The following LDHC variants were observed in gnomAD, a reference collection of about 807,000 sequenced individuals.
LDHC encodes lactate dehydrogenase C.
Under a neutral mutation model 30.2 loss-of-function variants are expected in LDHC, and 20 were observed. The ratio of observed to expected loss-of-function variants is 0.66; its 90% CI spans 0.47 to 0.96. The LOEUF is 0.96. Ranked by LOEUF, LDHC falls within the 40% of genes least tolerant of loss-of-function variation. The pLI is 0.00. For synonymous variants in LDHC, 139 were observed against 132.7 expected (o/e 1.05, Z -0.32); for missense variants, 362 against 394.9 (o/e 0.92, Z 0.71).
chr11:18,444,604 G>GTACA (rs1848519077), intron 6 of LDHC, among the ~76,000 whole-genome samples: 3 of 89,308 alleles, frequency 3.4e-5, no homozygotes, highest in African/African-American at 9.8e-5. Context: ...TGTTCAGGTG[G>GTACA]TATATATATA....
Position 18,423,993 on chromosome 11 carries a change from C to T in LDHC, c.245-5744C>T, listed in dbSNP as rs559927086. Among the ~76,000 whole-genome samples the T allele has an allele frequency of 1.2e-4, 16 of 128,786 alleles. No homozygotes were observed. The South Asian group carries it at 2.3e-3, about 19-fold the overall frequency. The allele number at this position is 128,786 out of a possible 152,430, so 84.5% of individuals were successfully genotyped here. A position where few individuals can be genotyped will look rare whatever the true frequency, so the allele number is the denominator to read the frequency against. Reference sequence around the variant, plus strand: ...CCATATCAATATACCATTACACACCCACTAGATTGGTAGAAGTGTGATAGT... The same window carrying T: ...CCATATCAATATACCATTACACACCTACTAGATTGGTAGAAGTGTGATAGT... On this transcript the variant is annotated intron_variant, in intron 3 of 7. Coordinates refer to ENST00000541669, the MANE Select transcript of LDHC (RefSeq NM_017448.5).
At chr11:18,436,572 C>T (rs900424297) in intron 5 of LDHC, among the ~76,000 whole-genome samples, 8 of 148,136 alleles carry the variant, frequency 5.4e-5, no homozygotes, top group Middle Eastern at 3.2e-3. Flanking sequence ...CCGCAACCTC[C>T]GCCTCCTGGG....
At chr11:18,424,558 A>G (rs1157204219) in intron 3 of LDHC, among the ~76,000 whole-genome samples, 2 of 152,200 alleles carry the variant, frequency 1.3e-5, no homozygotes, top group Non-Finnish European at 2.9e-5. Flanking sequence ...AAACAAGTCA[A>G]TGAATCCCAG....
chr11:18,440,084 G>T (rs1848437548), intron 6 of LDHC, among the ~76,000 whole-genome samples: 1 of 150,330 alleles, frequency 6.7e-6, no homozygotes, highest in Non-Finnish European at 1.5e-5. Flanking sequence ...GGCTGATCAT[G>T]AGGTCAGGAG....
At chr11:18,421,763 T>C (rs1363903138) in intron 3 of LDHC, among the ~76,000 whole-genome samples, 1 of 152,118 alleles carries the variant, frequency 6.6e-6, no homozygotes, top group Non-Finnish European at 1.5e-5. Flanking sequence ...CCTGCCTCAC[T>C]CAGCTGGGAT....
intron 6 of LDHC, among the ~76,000 whole-genome samples, chr11:18,444,763 T>C (rs1439943733): frequency 6.6e-6 from 1 of 151,518 alleles, no homozygotes; most frequent in Non-Finnish European, 1.5e-5. Flanking sequence ...CTTCTTGTCC[T>C]GTATCCTTTC....
chr11:18,428,876 GAAA>G (rs35689913), intron 3 of LDHC, among the ~76,000 whole-genome samples: 6 of 135,546 alleles, frequency 4.4e-5, no homozygotes, highest in Admixed American at 1.5e-4. Flanking sequence ...CACTATCTCA[GAAA>G]AAAAAAAAAA....
At chr11:18,413,025 C>A (rs1288440450) in intron 2 of LDHC, among the ~76,000 whole-genome samples, 182 bp downstream of exon 2, 1 of 122,652 alleles carries the variant, frequency 8.2e-6, no homozygotes, top group African/African-American at 2.9e-5. Flanking sequence ...TTCTCTCTTT[C>A]TTTTCCTTTT....
Position 18,446,278 on chromosome 11 carries a change from T to C in LDHC, c.779T>C (p.Val260Ala). 1 of 1,594,148 alleles carries C rather than the reference T, an allele frequency of 6.3e-7. No homozygotes were observed. Among genetic ancestry groups the C allele is most frequent in the Non-Finnish European group, 8.6e-7 (1 of 1,161,750 alleles). Residue 260 changes from valine to alanine, a missense_variant, in exon 7 of 8, where the codon GTA becomes GCA. Transcript: ENST00000541669. ...ATTGGACTGTCTGTGATGGATTTGG[T>C]AGGATCCATTTTGAAAAATCTTAGG... ...WAIGLSVMDL[V>A]GSILKNLRRV...
At chr11:18,414,337 C>T (rs796378001) in intron 2 of LDHC, among the ~76,000 whole-genome samples, 64 of 152,250 alleles carry the variant, frequency 4.2e-4, no homozygotes, top group African/African-American at 1.5e-3. Context: ...CTTGGAAAAC[C>T]AATGTTAATT....
intron 3 of LDHC, among the ~76,000 whole-genome samples, chr11:18,423,159 TG>T (rs1848098401): frequency 2.6e-5 from 4 of 152,086 alleles, no homozygotes; most frequent in Non-Finnish European, 5.9e-5. Context: ...ACCCTGTCTC[TG>T]CTAAAAATAC....
chr11:18,413,019 CTCTT>C (rs1253520670), intron 2 of LDHC, among the ~76,000 whole-genome samples, 176 bp downstream of exon 2: 4 of 129,556 alleles, frequency 3.1e-5, no homozygotes, highest in African/African-American at 5.6e-5. Flanking sequence ...TTTTCTTTCT[CTCTT>C]TCTTTTCCTT....
At chr11:18,418,823 T>G (rs1867069929) in intron 3 of LDHC, among the ~76,000 whole-genome samples, 2 of 152,156 alleles carry the variant, frequency 1.3e-5, no homozygotes, top group Admixed American at 6.5e-5. Flanking sequence ...ATGAGAAAAC[T>G]CCTGCATAAA....
chr11:18,412,927 G>A (rs1866920639), intron 2 of LDHC, 84 bp downstream of exon 2: 2 of 1,304,166 alleles, frequency 1.5e-6, no homozygotes. Flanking sequence ...GGGTTGCAAG[G>A]TTAATCCCTT....
At chr11:18,436,733 G>T (rs771621986) in intron 5 of LDHC, among the ~76,000 whole-genome samples, 5 of 151,934 alleles carry the variant, frequency 3.3e-5, no homozygotes, top group African/African-American at 7.2e-5. Context: ...TGATCCACCC[G>T]CCACAGCCTT....
intron 7 of LDHC, among the ~76,000 whole-genome samples, chr11:18,447,742 C>T (rs1848579061): frequency 6.6e-6 from 1 of 151,788 alleles, no homozygotes; most frequent in Admixed American, 6.6e-5. Flanking sequence ...TTTATAAGAC[C>T]AGGGGATTAA....
At chr11:18,418,647 G>A (rs570519270) in intron 3 of LDHC, among the ~76,000 whole-genome samples, 2 of 151,824 alleles carry the variant, frequency 1.3e-5, no homozygotes, top group Non-Finnish European at 2.9e-5. Flanking sequence ...GGCTGGTCTC[G>A]AATGCCTGAC....
chr11:18,436,563 C>A (rs557376919), intron 5 of LDHC, among the ~76,000 whole-genome samples: 1 of 148,812 alleles, frequency 6.7e-6, no homozygotes, highest in Non-Finnish European at 1.5e-5. Flanking sequence ...CTCGGCTCAC[C>A]GCAACCTCCG....
intron 1 of LDHC, 130 bp downstream of exon 1, chr11:18,412,538 C>G: frequency 1.8e-6 from 1 of 565,838 alleles, no homozygotes; most frequent in Non-Finnish European, 3.1e-6. Flanking sequence ...TGCCCCAGCC[C>G]TCCCATTGCC....
Sources: allele counts gnomAD v4.1 joint callset (sites outside exome capture counted in the v4.1 genomes callset), GRCh38; gene constraint gnomAD v4.1.1; transcripts MANE v1.5; gene names NCBI Gene and HGNC (gene_info 2026-07-23, HGNC 2026-07-21).